CACNB4: variants seen among roughly 807,000 people sequenced by gnomAD.
The protein encoded by CACNB4 is calcium voltage-gated channel auxiliary subunit beta 4.
Under a neutral mutation model 71.2 loss-of-function variants are expected in CACNB4, and 32 were observed. That is an observed-to-expected ratio of 0.45 (90% CI 0.34 to 0.60). CACNB4 has a LOEUF of 0.60. Among genes scored for constraint, CACNB4 ranks in the 20% least tolerant of loss-of-function variants. The pLI is 0.01. For missense variants in CACNB4, 464 were observed against 647.9 expected, an observed-to-expected ratio of 0.72 and a Z score of 3.08; for synonymous variants, 231 against 236.9, an observed-to-expected ratio of 0.97 and a Z score of 0.23.
intron 2 of CACNB4, among the ~76,000 whole-genome samples, chr2:152,000,495 T>A (rs4664518): frequency 0.34 from 51,190 of 152,102 alleles, 8,855 homozygotes; most frequent in Middle Eastern, 0.48. Flanking sequence ...GAACATGATA[T>A]TCCATATATG....
intron 2 of CACNB4, among the ~76,000 whole-genome samples, chr2:151,899,229 A>C (rs2099852808): frequency 6.6e-6 from 1 of 152,190 alleles, no homozygotes; most frequent in Non-Finnish European, 1.5e-5. Context: ...ACTTTAACAG[A>C]GAGTTTAGGG....
At chr2:151,930,125 T>C (rs1236019624) in intron 2 of CACNB4, among the ~76,000 whole-genome samples, 1 of 152,088 alleles carries the variant, frequency 6.6e-6, no homozygotes, top group Non-Finnish European at 1.5e-5. Context: ...CTACAGTAAT[T>C]GAAACAGTTT....
At chr2:151,940,839 T>C (rs1578887382) in intron 2 of CACNB4, among the ~76,000 whole-genome samples, 1 of 152,234 alleles carries the variant, frequency 6.6e-6, no homozygotes, top group Non-Finnish European at 1.5e-5. Flanking sequence ...TATAGTGCTC[T>C]TCTTTTAGGC....
chr2:151,926,024 T>C (rs373367306), intron 2 of CACNB4, among the ~76,000 whole-genome samples: 4 of 152,244 alleles, frequency 2.6e-5, no homozygotes, highest in East Asian at 1.9e-4. Context: ...GAGTAGGCAG[T>C]TGGAATTCAG....
chr2:151,840,022 T>A (rs1298253720), intron 13 of CACNB4, among the ~76,000 whole-genome samples: 1 of 152,226 alleles, frequency 6.6e-6, no homozygotes, highest in Non-Finnish European at 1.5e-5. Context: ...TCTTCCAATA[T>A]AAACGAAATT....
At chr2:152,020,578 TTAG>T (rs1683604353) in intron 2 of CACNB4, among the ~76,000 whole-genome samples, 1 of 152,090 alleles carries the variant, frequency 6.6e-6, no homozygotes, top group Non-Finnish European at 1.5e-5. Flanking sequence ...TTGTGGGGAG[TTAG>T]TAGGTTTTTG....
chr2:151,940,748 G>C (rs143471553), intron 2 of CACNB4, among the ~76,000 whole-genome samples: 5 of 152,108 alleles, frequency 3.3e-5, no homozygotes, highest in Non-Finnish European at 5.9e-5. Flanking sequence ...GTCTATGGTG[G>C]GCAAACATAC....
chr2:151,902,095 C>T (rs146376914), intron 2 of CACNB4, among the ~76,000 whole-genome samples: 2 of 142,030 alleles, frequency 1.4e-5, no homozygotes, highest in African/African-American at 2.7e-5. Flanking sequence ...AGAGCAGTGG[C>T]ACGATCATAG....
At position 151,837,050 on chromosome 2, in the gene CACNB4, T is replaced by TGCTGGAA. The variant is rs1227165249; in HGVS notation, c.*2062_*2068dup. 1 of 152,036 alleles carries TGCTGGAA rather than the reference T, an allele frequency of 6.6e-6. No homozygotes were observed. Among genetic ancestry groups the TGCTGGAA allele is most frequent in the Non-Finnish European group, 1.5e-5 (1 of 67,880 alleles). The allele number at this position is 152,036 out of a possible 1,614,324, so 9.4% of individuals were successfully genotyped here. The stretch of plus-strand genomic sequence containing the variant: ...TACATGTAATAAATATATTTTTGTT[T>TGCTGGAA]GCTGGAAGATGCTCTTCTGTGTTCT... On this transcript the variant is annotated 3_prime_UTR_variant, in exon 14 of 14. Transcript: ENST00000539935.
At chr2:151,997,459 A>G (rs964361569) in intron 2 of CACNB4, among the ~76,000 whole-genome samples, 11 of 152,004 alleles carry the variant, frequency 7.2e-5, no homozygotes, top group African/African-American at 2.4e-4. Context: ...GCGTGAACCC[A>G]GGAGGCAGAG....
At chr2:151,862,796 C>G (rs886925943) in intron 9 of CACNB4, among the ~76,000 whole-genome samples, 1 of 152,208 alleles carries the variant, frequency 6.6e-6, no homozygotes, top group Non-Finnish European at 1.5e-5. Flanking sequence ...CCCTGGGTAT[C>G]GGGCCAGTGC....
intron 2 of CACNB4, among the ~76,000 whole-genome samples, chr2:151,944,022 T>A (rs1415634966): frequency 1.7e-5 from 2 of 120,018 alleles, no homozygotes; most frequent in Admixed American, 1.1e-4. Flanking sequence ...GATTATACTT[T>A]CTTTCTTTTT....
chr2:152,023,217 C>G (rs1228064023), intron 2 of CACNB4, among the ~76,000 whole-genome samples: 1 of 152,012 alleles, frequency 6.6e-6, no homozygotes, highest in African/African-American at 2.4e-5. Context: ...AACTCACTAT[C>G]AGGAGAACAG....
At chr2:151,887,079 AAG>A (rs10558426) in intron 2 of CACNB4, among the ~76,000 whole-genome samples, 2,370 of 152,218 alleles carry the variant, frequency 0.016, 44 homozygotes, top group African/African-American at 0.055. Context: ...AATGATCAAA[AAG>A]AGAGAGAGAT....
At chr2:152,041,516 G>A (rs574801474) in intron 2 of CACNB4, among the ~76,000 whole-genome samples, 1 of 152,300 alleles carries the variant, frequency 6.6e-6, no homozygotes, top group South Asian at 2.1e-4. Context: ...CAGGCCAGGG[G>A]CTGAAGGGAT....
chr2:152,085,681 C>T (rs1025976618), intron 2 of CACNB4, among the ~76,000 whole-genome samples: 25 of 152,086 alleles, frequency 1.6e-4, no homozygotes, highest in African/African-American at 6.0e-4. Flanking sequence ...CTTTGTGTTG[C>T]TGTTGTTGCT....
chr2:152,082,933 T>C (rs1386509680), intron 2 of CACNB4, among the ~76,000 whole-genome samples: 1 of 152,250 alleles, frequency 6.6e-6, no homozygotes, highest in Non-Finnish European at 1.5e-5. Context: ...GTAAATTTTC[T>C]GTTATATTTA....
chr2:151,917,788 T>C (rs975589081), intron 2 of CACNB4, among the ~76,000 whole-genome samples: 2 of 146,864 alleles, frequency 1.4e-5, no homozygotes, highest in African/African-American at 5.0e-5. Flanking sequence ...TGAGCTGAGA[T>C]TGCACCACTG....
In CACNB4 at chr2:151,947,521, A is replaced by G. The variant is rs571032381; in HGVS notation, c.148-64151T>C. 3.6e-4 allele frequency among the ~76,000 whole-genome samples: 55 copies of G among 152,310 alleles called. No individual in the cohort carries two copies. The South Asian group carries it at 3.9e-3, about 11-fold the overall frequency. ...AGAGTCGCTGCTATAAGAATTCCGC[A>G]TCACACATAGAATAAGTAACTTCAG... On this transcript the variant is annotated intron_variant, in intron 2 of 13. Coordinates refer to ENST00000539935, the MANE Select transcript of CACNB4 (RefSeq NM_000726.5).
Sources: allele counts gnomAD v4.1 joint callset (sites outside exome capture counted in the v4.1 genomes callset), GRCh38; gene constraint gnomAD v4.1.1; transcripts MANE v1.5; gene names NCBI Gene and HGNC (gene_info 2026-07-23, HGNC 2026-07-21).